ADNP: variants seen among roughly 807,000 people sequenced by gnomAD.
The protein encoded by ADNP is activity-dependent neuroprotector homeobox protein.
A neutral mutation model predicts 84.9 loss-of-function variants in ADNP; 4 were observed. The observed-to-expected ratio is 0.05, with a 90% confidence interval of 0.02 to 0.11. The LOEUF (loss-of-function observed/expected upper bound fraction) is 0.11, where lower values mean the gene tolerates loss of function less well. Ranked by LOEUF, ADNP falls within the 10% of genes least tolerant of loss-of-function variation. ADNP has a pLI of 1.00. For missense variants in ADNP, 1,132 were observed against 1,326.0 expected (o/e 0.85, Z 2.27); for synonymous variants, 554 against 468.1 (o/e 1.18, Z -2.37).
Position 50,890,534 on chromosome 20 carries a change from TCAACA to T in ADNP, c.*866_*870del, listed in dbSNP as rs1980583834. On this transcript the variant is annotated 3_prime_UTR_variant, in exon 6 of 6. Coordinates refer to ENST00000621696, the MANE Select transcript of ADNP (RefSeq NM_001282531.3). Reference sequence around the variant, plus strand: ...ATGCAGCACTCATTGGTTTGCTGCTTCAACACAACACACTTTTATACAGATCTAAA... The same window carrying T: ...ATGCAGCACTCATTGGTTTGCTGCTTCAACACACTTTTATACAGATCTAAA... 1 of 152,674 alleles carries T rather than the reference TCAACA, an allele frequency of 6.5e-6. No homozygotes were observed. Among genetic ancestry groups the T allele is most frequent in the Admixed American group, 6.5e-5 (1 of 15,284 alleles). 9.5% of individuals were successfully genotyped at this position (152,674 alleles called of 1,614,324 possible).
At chr20:50,897,790 T>C (rs1981565437) in intron 5 of ADNP, among the ~76,000 whole-genome samples, 1 of 152,194 alleles carries the variant, frequency 6.6e-6, no homozygotes, top group Non-Finnish European at 1.5e-5. Flanking sequence ...GGCATTTGCT[T>C]ATCAGCGACA....
chr20:50,922,409 T>A (rs1984013202), intron 2 of ADNP, among the ~76,000 whole-genome samples: 1 of 152,138 alleles, frequency 6.6e-6, no homozygotes, highest in African/African-American at 2.4e-5. Flanking sequence ...TCTATTAATT[T>A]GCTGGAGCAT....
At chr20:50,911,502 TTTC>T (rs1297509068) in intron 2 of ADNP, among the ~76,000 whole-genome samples, 23 of 150,272 alleles carry the variant, frequency 1.5e-4, no homozygotes, top group Admixed American at 3.3e-4. Flanking sequence ...CCAGATTTCT[TTTC>T]TTTTCTTTTT....
chr20:50,892,153 G>A lies in ADNP; in HGVS notation c.2561C>T (p.Ser854Phe), dbSNP rs376827094. The A allele has an allele frequency of 2.7e-5, 43 of 1,614,040 alleles. No homozygotes were observed. In the African/African-American group the frequency reaches 5.3e-4, roughly 20 times the overall value. The change falls in exon 6 of 6, where the codon TCC (serine) becomes TTC (phenylalanine). Residue 854 changes from serine (S) to phenylalanine (F), a missense_variant. Physicochemically the swap from Ser to Phe is radical, Grantham distance 155 (BLOSUM62 -2). Coordinates refer to ENST00000621696, the MANE Select transcript of ADNP (RefSeq NM_001282531.3). ...WLFENHDEKDSRVNASKTADK... is the reference protein window; with the variant it reads ...WLFENHDEKDFRVNASKTADK... Reference sequence around the variant, plus strand: ...AGCAGTCTTACTAGCATTGACTCTGGAATCCTTCTCATCATGATTTTCAAA... The same window carrying A: ...AGCAGTCTTACTAGCATTGACTCTGAAATCCTTCTCATCATGATTTTCAAA...
chr20:50,909,085 A>G (rs1982774299), intron 2 of ADNP, among the ~76,000 whole-genome samples: 1 of 151,224 alleles, frequency 6.6e-6, no homozygotes, highest in Non-Finnish European at 1.5e-5. Flanking sequence ...AAAAAAAAAA[A>G]ATTTGCCAGC....
At chr20:50,897,064 C>T (rs571764839) in intron 5 of ADNP, among the ~76,000 whole-genome samples, 10 of 152,194 alleles carry the variant, frequency 6.6e-5, no homozygotes, top group South Asian at 4.2e-4. Flanking sequence ...GCCTCAGCCT[C>T]GTGGCTGGGA....
At position 50,891,300 on chromosome 20, in the gene ADNP, A is replaced by G. The variant is rs1343689014; in HGVS notation, c.*105T>C. On this transcript the variant is annotated 3_prime_UTR_variant, in exon 6 of 6. Coordinates refer to ENST00000621696, the MANE Select transcript of ADNP (RefSeq NM_001282531.3). ...GCAGCGGCCACATGCCCCACAGTCC[A>G]ACCAGTACTCACAAGGCAGTACCAG... 5 of 1,445,362 alleles carry G rather than the reference A, an allele frequency of 3.5e-6. No homozygotes were observed. The South Asian group carries it at 7.3e-5, about 21-fold the overall frequency. 89.5% of individuals were successfully genotyped at this position (1,445,362 alleles called of 1,614,324 possible). A position where few individuals can be genotyped will look rare whatever the true frequency, so the allele number is the denominator to read the frequency against.
intron 1 of ADNP, among the ~76,000 whole-genome samples, chr20:50,930,399 G>A (rs1601004874): frequency 6.6e-6 from 1 of 151,620 alleles, no homozygotes; most frequent in African/African-American, 2.4e-5. Context: ...GGCAGACCTG[G>A]CAGAAGGCTG....
At chr20:50,906,761 T>C (rs928829692) in intron 2 of ADNP, among the ~76,000 whole-genome samples, 1 of 152,160 alleles carries the variant, frequency 6.6e-6, no homozygotes, top group Non-Finnish European at 1.5e-5. Flanking sequence ...GGGAACTTAG[T>C]TGTAAGAAAC....
At chr20:50,894,981 C>A (rs1981231153) in intron 5 of ADNP, among the ~76,000 whole-genome samples, 1 of 151,928 alleles carries the variant, frequency 6.6e-6, no homozygotes, top group South Asian at 2.1e-4. Flanking sequence ...CTATCTTAAA[C>A]CAAATATTTT....
chr20:50,915,776 T>C (rs1279310142), intron 2 of ADNP, among the ~76,000 whole-genome samples: 1 of 152,196 alleles, frequency 6.6e-6, no homozygotes, highest in Non-Finnish European at 1.5e-5. Flanking sequence ...TGTACAGTAG[T>C]ACTGAGGCTA....
At chr20:50,901,835 A>AC (rs1454908477) in intron 5 of ADNP, among the ~76,000 whole-genome samples, 182 bp downstream of exon 5, 1 of 152,252 alleles carries the variant, frequency 6.6e-6, no homozygotes, top group African/African-American at 2.4e-5. Context: ...TAGTCCAATG[A>AC]CAAAAAAGGA....
At chr20:50,909,610 C>T (rs571954870) in intron 2 of ADNP, 2 of 152,288 alleles carry the variant, frequency 1.3e-5, no homozygotes, top group Admixed American at 6.5e-5. Context: ...TCCCCTTCAA[C>T]AGTCCATTTC....
intron 2 of ADNP, among the ~76,000 whole-genome samples, chr20:50,910,911 C>T (rs548292493): frequency 1.1e-4 from 16 of 152,298 alleles, no homozygotes; most frequent in South Asian, 4.1e-4. Context: ...ACCTCGGCCC[C>T]GCAAAGTGTT....
intron 2 of ADNP, among the ~76,000 whole-genome samples, chr20:50,907,367 A>G (rs1011040020): frequency 7.0e-5 from 10 of 143,090 alleles, no homozygotes; most frequent in African/African-American, 2.2e-4. Flanking sequence ...CCCAGGCTCA[A>G]GCAATTCTCC....
chr20:50,908,145 C>G (rs965875915), intron 2 of ADNP, among the ~76,000 whole-genome samples: 14 of 97,626 alleles, frequency 1.4e-4, no homozygotes, highest in Admixed American at 5.0e-4. Context: ...AAAGATTTTT[C>G]TGTTTTTTTT....
intron 1 of ADNP, among the ~76,000 whole-genome samples, chr20:50,929,491 C>G (rs1181406173): frequency 6.6e-6 from 1 of 152,204 alleles, no homozygotes; most frequent in Non-Finnish European, 1.5e-5. Flanking sequence ...TTCCCATGGT[C>G]TGTAGAAGGC....
intron 2 of ADNP, among the ~76,000 whole-genome samples, chr20:50,923,480 A>G (rs1984089318): frequency 6.6e-6 from 1 of 152,118 alleles, no homozygotes; most frequent in African/African-American, 2.4e-5. Context: ...CACTTTCCTC[A>G]GAGAAGTTTT....
intron 2 of ADNP, among the ~76,000 whole-genome samples, chr20:50,928,015 T>C (rs1385947090): frequency 6.6e-6 from 1 of 152,202 alleles, no homozygotes; most frequent in East Asian, 1.9e-4. Flanking sequence ...AATAATCCCA[T>C]TTAAATATGT....
Sources: allele counts gnomAD v4.1 joint callset (sites outside exome capture counted in the v4.1 genomes callset), GRCh38; gene constraint gnomAD v4.1.1; transcripts MANE v1.5; gene names NCBI Gene and HGNC (gene_info 2026-07-23, HGNC 2026-07-21).